MON2: variants seen among roughly 807,000 people sequenced by gnomAD.
MON2 encodes protein MON2 homolog.
In MON2, 84 loss-of-function variants were observed where a neutral mutation model predicts 208.6. The observed-to-expected ratio is 0.40, with a 90% confidence interval of 0.34 to 0.48. MON2 has a LOEUF of 0.48. Among genes scored for constraint, MON2 ranks in the 20% least tolerant of loss-of-function variants. MON2 has a pLI of 0.59. For missense variants in MON2, 1,611 were observed against 2,015.4 expected (o/e 0.80, Z 3.84); for synonymous variants, 660 against 694.0 (o/e 0.95, Z 0.77).
At chr12:62,591,465 G>A (rs2075396344) in intron 34 of MON2, among the ~76,000 whole-genome samples, 1 of 151,812 alleles carries the variant, frequency 6.6e-6, no homozygotes, top group South Asian at 2.1e-4. Context: ...GGTATTGGAT[G>A]GAAAAAAAAT....
chr12:62,557,948 ATATATATATATATATTTTTTTTTTTT>A, intron 25 of MON2, among the ~76,000 whole-genome samples: 1 of 41,362 alleles, frequency 2.4e-5, no homozygotes, highest in East Asian at 6.5e-4. Flanking sequence ...ATATATATAT[ATATATATATATATATTTTTTTTTTTT>A]TTTTTTTTTT....
At chr12:62,553,291 T>C in intron 24 of MON2, 117 bp downstream of exon 24, 2 of 993,914 alleles carry the variant, frequency 2.0e-6, no homozygotes, top group South Asian at 3.6e-5. Flanking sequence ...TTTGTGTATT[T>C]GACAAAACAG....
intron 11 of MON2, among the ~76,000 whole-genome samples, chr12:62,529,512 T>C (rs2072515419): frequency 6.6e-6 from 1 of 152,204 alleles, no homozygotes; most frequent in Admixed American, 6.5e-5. Flanking sequence ...AGGTAGGACA[T>C]TTTCTTAGCT....
chr12:62,492,641 G>T (rs1592856980), intron 2 of MON2, among the ~76,000 whole-genome samples: 1 of 147,050 alleles, frequency 6.8e-6, no homozygotes, highest in Admixed American at 6.7e-5. Context: ...AAAGTGCTGG[G>T]ATTACAGGCG....
At chr12:62,582,659 G>A (rs967541011) in intron 32 of MON2, among the ~76,000 whole-genome samples, 47 of 151,950 alleles carry the variant, frequency 3.1e-4, no homozygotes, top group African/African-American at 1.1e-3. Context: ...TGGTATCATC[G>A]CTTACAAAAG....
chr12:62,573,510 G>A (rs201264997), intron 30 of MON2, among the ~76,000 whole-genome samples: 7 of 151,150 alleles, frequency 4.6e-5, no homozygotes, highest in East Asian at 3.9e-4. Context: ...GAGGATTGCC[G>A]AGGCCCAGGA....
intron 8 of MON2, among the ~76,000 whole-genome samples, chr12:62,517,077 A>G (rs2071737763): frequency 6.6e-6 from 1 of 152,182 alleles, no homozygotes; most frequent in Non-Finnish European, 1.5e-5. Flanking sequence ...ATGTTTAGAA[A>G]GTTTTTGTTC....
intron 34 of MON2, among the ~76,000 whole-genome samples, chr12:62,589,461 A>T (rs2075323985): frequency 6.6e-6 from 1 of 152,158 alleles, no homozygotes; most frequent in African/African-American, 2.4e-5. Context: ...AAATTCACCC[A>T]TTGGTACTTT....
rs764155542 is a variant in MON2 at position 62,534,900 on chromosome 12, T to C, written c.1689T>C (p.Ala563=). ...ATGCCTGCTGGTGTGGTCTTCTTGC[T>C]GCACTCTCACTCCTTCTTGATGCCA... ...MVNACWCGLL[A]ALSLLLDAST... The change falls in exon 13 of 35, where the codon GCT becomes GCC. Residue 563 remains alanine, a synonymous_variant. Transcript: ENST00000393630. 5.0e-6 allele frequency: 8 copies of C among 1,612,294 alleles called. No homozygotes were observed. The highest frequency in any genetic ancestry group is 1.6e-4 in the Middle Eastern group (1 of 6,072).
At chr12:62,589,658 C>A (rs1260677665) in intron 34 of MON2, among the ~76,000 whole-genome samples, 1 of 151,100 alleles carries the variant, frequency 6.6e-6, no homozygotes, top group Admixed American at 6.6e-5. Context: ...ACCTGTAATC[C>A]CAACACTTTG....
intron 8 of MON2, among the ~76,000 whole-genome samples, chr12:62,521,378 T>C (rs2072031339): frequency 6.6e-6 from 1 of 152,208 alleles, no homozygotes; most frequent in South Asian, 2.1e-4. Flanking sequence ...AAGAATCCAA[T>C]GACACTAGTA....
At chr12:62,475,201 TTCTG>T (rs2069002438) in intron 1 of MON2, among the ~76,000 whole-genome samples, 1 of 152,140 alleles carries the variant, frequency 6.6e-6, no homozygotes, top group Non-Finnish European at 1.5e-5. Flanking sequence ...GTCCTACTGC[TTCTG>T]TCTTTCATGT....
chr12:62,467,389 CCA>C (rs1046221587), intron 1 of MON2, 71 bp downstream of exon 1: 1 of 1,225,312 alleles, frequency 8.2e-7, no homozygotes, highest in African/African-American at 1.5e-5. Context: ...GTGCTTCACC[CCA>C]GTTTCCAGTC....
chr12:62,514,627 C>T (rs2071595015), intron 8 of MON2, among the ~76,000 whole-genome samples: 1 of 152,128 alleles, frequency 6.6e-6, no homozygotes, highest in African/African-American at 2.4e-5. Flanking sequence ...CCACTGGGTC[C>T]CTCCCAGAAC....
intron 23 of MON2, among the ~76,000 whole-genome samples, chr12:62,551,977 A>T (rs1231040309): frequency 2.0e-5 from 3 of 152,094 alleles, no homozygotes; most frequent in Non-Finnish European, 4.4e-5. Context: ...ATTTTTTTTT[A>T]AAACAAGATA....
intron 33 of MON2, among the ~76,000 whole-genome samples, chr12:62,586,355 GCA>G (rs958298862): frequency 1.5e-4 from 23 of 152,212 alleles, no homozygotes; most frequent in African/African-American, 4.1e-4. Flanking sequence ...CTGTCAAAAG[GCA>G]CAGACATTTT....
At chr12:62,496,742 A>G (rs974707322) in intron 4 of MON2, among the ~76,000 whole-genome samples, 1 of 152,236 alleles carries the variant, frequency 6.6e-6, no homozygotes, top group Admixed American at 6.5e-5. Context: ...GACTATATAA[A>G]GAACTCTTAA....
intron 12 of MON2, among the ~76,000 whole-genome samples, chr12:62,534,518 C>CAAAAAAAAA (rs869145698): frequency 1.5e-5 from 1 of 67,470 alleles, no homozygotes; most frequent in Admixed American, 2.5e-4. Context: ...GACTCCATCG[C>CAAAAAAAAA]AAAAAAAAAA....
chr12:62,537,954 A>C (rs754592921), intron 16 of MON2, 142 bp from the exon 17 acceptor site: 2 of 705,294 alleles, frequency 2.8e-6, no homozygotes, highest in Non-Finnish European at 4.7e-6. Flanking sequence ...AATGTTAATT[A>C]GTGATTTTAG....
Sources: gnomAD v4.1 joint callset for allele counts (sites outside exome capture counted in the v4.1 genomes callset) on GRCh38, gnomAD v4.1.1 for gene constraint, MANE v1.5 for transcripts, NCBI Gene and HGNC (gene_info 2026-07-23, HGNC 2026-07-21) for gene names.